Variants in PDE11A observed in about 807,000 individuals in gnomAD.
The protein encoded by PDE11A is phosphodiesterase 11A, also known as dual 3',5'-cyclic-AMP and -GMP phosphodiesterase 11A.
A neutral mutation model predicts 100.5 loss-of-function variants in PDE11A; 100 were observed. The ratio of observed to expected loss-of-function variants is 1.00; its 90% CI spans 0.85 to 1.18. The LOEUF is 1.18. Ranked by LOEUF, PDE11A falls within the 50% of genes most tolerant of loss-of-function variation. The probability of loss-of-function intolerance (pLI) is 0.00; values close to 1 mark genes in which losing one functional copy is unlikely to be tolerated. For missense variants in PDE11A, 1,141 were observed against 1,152.6 expected (o/e 0.99, Z 0.15); for synonymous variants, 381 against 420.8 (o/e 0.91, Z 1.16).
At chr2:177,930,345 A>C (rs1044333085) in intron 2 of PDE11A, among the ~76,000 whole-genome samples, 3 of 152,342 alleles carry the variant, frequency 2.0e-5, no homozygotes, top group Admixed American at 1.3e-4. Context: ...GCAGCTGTAC[A>C]ATGGCTACCT....
At chr2:177,658,599 A>C (rs1328049034) in intron 19 of PDE11A, among the ~76,000 whole-genome samples, 2 of 151,564 alleles carry the variant, frequency 1.3e-5, no homozygotes, top group African/African-American at 2.4e-5. Context: ...CATTCCATAT[A>C]TATACCCCCT....
intron 4 of PDE11A, among the ~76,000 whole-genome samples, chr2:177,879,025 T>C (rs2084287375): frequency 6.6e-6 from 1 of 152,252 alleles, no homozygotes; most frequent in Non-Finnish European, 1.5e-5. Flanking sequence ...ATTTTTTTAA[T>C]TCCTGATCTG....
At chr2:177,944,724 T>G (rs1002775300) in intron 2 of PDE11A, among the ~76,000 whole-genome samples, 5 of 151,792 alleles carry the variant, frequency 3.3e-5, no homozygotes, top group African/African-American at 1.2e-4. Flanking sequence ...ACCGCCGAGG[T>G]GCGGGCTGTG....
chr2:177,651,885 A>G (rs182437211), intron 19 of PDE11A, among the ~76,000 whole-genome samples: 2 of 152,152 alleles, frequency 1.3e-5, no homozygotes, highest in Admixed American at 6.6e-5. Flanking sequence ...GATTGTGAGC[A>G]GCAAGTATAC....
chr2:177,777,077 C>T (rs761178006), intron 9 of PDE11A, among the ~76,000 whole-genome samples: 35 of 152,280 alleles, frequency 2.3e-4, no homozygotes, highest in Middle Eastern at 3.4e-3. Context: ...TTCCTGAGGC[C>T]TCCCCAGCCA....
intron 2 of PDE11A, among the ~76,000 whole-genome samples, chr2:177,993,901 T>C (rs2086035833): frequency 6.6e-6 from 1 of 151,776 alleles, no homozygotes; most frequent in African/African-American, 2.4e-5. Context: ...TTAATATATA[T>C]GTATATATGT....
upstream of PDE11A, among the ~76,000 whole-genome samples, chr2:178,077,641 CTA>C (rs2087224959): frequency 6.6e-6 from 1 of 152,164 alleles, no homozygotes; most frequent in Non-Finnish European, 1.5e-5. Flanking sequence ...TCCACAAAAG[CTA>C]TGTCCACCAG....
intron 19 of PDE11A, among the ~76,000 whole-genome samples, chr2:177,637,997 A>ATATATATATATATATAT (rs1433320166): frequency 1.9e-5 from 2 of 106,536 alleles, no homozygotes; most frequent in African/African-American, 8.1e-5. Context: ...ATATATATAT[A>ATATATATATATATATAT]TTTTTTTTTT....
chr2:178,037,846 G>T (rs1030874143), intron 1 of PDE11A, among the ~76,000 whole-genome samples: 1 of 151,998 alleles, frequency 6.6e-6, no homozygotes, highest in African/African-American at 2.4e-5. Context: ...ACAGTGAGGG[G>T]AACATCACAC....
intron 2 of PDE11A, among the ~76,000 whole-genome samples, chr2:177,908,536 G>T: frequency 6.6e-6 from 1 of 152,148 alleles, no homozygotes; most frequent in East Asian, 1.9e-4. Context: ...GAGGGAAATG[G>T]CAGAAGAAAG....
chr2:177,979,879 G>T (rs538148503), intron 2 of PDE11A, among the ~76,000 whole-genome samples: 2 of 150,088 alleles, frequency 1.3e-5, no homozygotes, highest in African/African-American at 4.9e-5. Context: ...CAAAGTGCTG[G>T]GATTACAAGC....
chr2:177,765,576 A>C (rs2082228074), intron 10 of PDE11A, among the ~76,000 whole-genome samples: 1 of 152,242 alleles, frequency 6.6e-6, no homozygotes, highest in South Asian at 2.1e-4. Context: ...ACGGGTCCGT[A>C]GTGATGCTTC....
intron 5 of PDE11A, among the ~76,000 whole-genome samples, chr2:177,849,288 T>C (rs2105643700): frequency 6.6e-6 from 1 of 152,250 alleles, no homozygotes; most frequent in South Asian, 2.1e-4. Context: ...TGAATTGTGA[T>C]AAATGGCCTA....
At chr2:177,728,659 C>G (rs533199819) in intron 10 of PDE11A, among the ~76,000 whole-genome samples, 87 of 152,206 alleles carry the variant, frequency 5.7e-4, no homozygotes, top group Non-Finnish European at 8.4e-4. Flanking sequence ...CACACGTGTT[C>G]TGTATATTCA....
At chr2:177,944,980 GC>G (rs2085390054) in intron 2 of PDE11A, among the ~76,000 whole-genome samples, 2 of 149,788 alleles carry the variant, frequency 1.3e-5, no homozygotes, top group Admixed American at 1.3e-4. Context: ...GCAGGCACGC[GC>G]CGCCACGCCT....
At chr2:177,891,777 T>C (rs1488517631) in intron 4 of PDE11A, among the ~76,000 whole-genome samples, 1 of 152,228 alleles carries the variant, frequency 6.6e-6, no homozygotes. Flanking sequence ...TTTATATGTA[T>C]TGTCTATGAC....
At chr2:177,660,064 T>TC (rs1491224699) in intron 19 of PDE11A, among the ~76,000 whole-genome samples, 1 of 3,912 alleles carries the variant, frequency 2.6e-4, no homozygotes, top group Non-Finnish European at 1.1e-3. Flanking sequence ...TCTTTCTTTC[T>TC]TTCTTTCTTT....
intron 1 of PDE11A, among the ~76,000 whole-genome samples, chr2:178,107,812 C>T (rs2087639502): frequency 6.7e-6 from 1 of 148,166 alleles, no homozygotes; most frequent in South Asian, 2.1e-4. Context: ...ACCTCCGCTT[C>T]CCGGGTTCAA....
Position 177,991,564 on chromosome 2 carries a change from G to A in PDE11A, c.1071+22738C>T, listed in dbSNP as rs1391281911. Among the ~76,000 whole-genome samples, 3 of 150,884 alleles carry A rather than the reference G, an allele frequency of 2.0e-5. No homozygotes were observed. In the East Asian group the frequency reaches 5.8e-4, roughly 29 times the overall value. On this transcript the variant is annotated intron_variant, in intron 2 of 19. Coordinates refer to ENST00000286063, the MANE Select transcript of PDE11A (RefSeq NM_016953.4). ...GTAGGAGTATCACTTGAACCCAGGA[G>A]GCGGAGGTTGCAGTGTGCCGAGACC... is the stretch of plus-strand genomic sequence containing the variant.
Sources: allele counts gnomAD v4.1 joint callset (sites outside exome capture counted in the v4.1 genomes callset), GRCh38; gene constraint gnomAD v4.1.1; transcripts MANE v1.5; gene names NCBI Gene and HGNC (gene_info 2026-07-23, HGNC 2026-07-21).